TRANK1: variants seen among roughly 807,000 people sequenced by gnomAD.
TRANK1 encodes the protein TPR and ankyrin repeat-containing protein 1.
A neutral mutation model predicts 266.0 loss-of-function variants in TRANK1; 198 were observed. The ratio of observed to expected loss-of-function variants is 0.74; its 90% CI spans 0.66 to 0.84. TRANK1 has a LOEUF of 0.84. Among genes scored for constraint, TRANK1 ranks in the 40% least tolerant of loss-of-function variants. TRANK1 has a pLI of 0.00. For synonymous variants in TRANK1, 1,396 were observed against 1,384.1 expected (o/e 1.01, Z -0.19); for missense variants, 3,326 against 3,634.6 (o/e 0.92, Z 2.18).
intron 10 of TRANK1, among the ~76,000 whole-genome samples, chr3:36,861,563 G>T (rs1019255904): frequency 1.3e-5 from 2 of 152,102 alleles, no homozygotes. Context: ...GAGCCATAAG[G>T]TAACCATGAG....
intron 10 of TRANK1, among the ~76,000 whole-genome samples, chr3:36,863,681 G>A (rs1206958918): frequency 1.3e-5 from 2 of 152,168 alleles, no homozygotes; most frequent in African/African-American, 4.8e-5. Context: ...GCTTAAAGAG[G>A]TTAATTAATT....
intron 13 of TRANK1, 75 bp downstream of exon 13, chr3:36,855,098 A>G: frequency 1.5e-6 from 2 of 1,314,860 alleles, no homozygotes; most frequent in South Asian, 1.4e-5. Context: ...AACAAGAGCT[A>G]GTCTGCAGCT....
intron 1 of TRANK1, among the ~76,000 whole-genome samples, chr3:36,940,284 T>C (rs1248418091): frequency 6.6e-6 from 1 of 150,412 alleles, no homozygotes; most frequent in Non-Finnish European, 1.5e-5. Context: ...GATCACGAGG[T>C]CAGGAGATCG....
At chr3:36,880,663 C>T (rs146639567) in intron 8 of TRANK1, 245 of 179,912 alleles carry the variant, frequency 1.4e-3, no homozygotes, top group African/African-American at 5.2e-3. Flanking sequence ...ACAAATTCTC[C>T]AACTTTTTTA....
At chr3:36,927,173 C>T (rs1232455282) in intron 1 of TRANK1, among the ~76,000 whole-genome samples, 1 of 152,168 alleles carries the variant, frequency 6.6e-6, no homozygotes, top group Non-Finnish European at 1.5e-5. Flanking sequence ...GACTGAGGCC[C>T]ATGTAACCTC....
chr3:36,855,076 C>T, intron 13 of TRANK1, 97 bp downstream of exon 13: 2 of 1,102,136 alleles, frequency 1.8e-6, no homozygotes, highest in Non-Finnish European at 1.3e-6. Flanking sequence ...CTTACTTCAG[C>T]TGTAAAAACC....
intron 17 of TRANK1, 60 bp from the exon 18 acceptor site, chr3:36,842,770 G>T: frequency 6.8e-7 from 1 of 1,463,204 alleles, no homozygotes; most frequent in East Asian, 2.4e-5. Context: ...TAAAACTGTT[G>T]TTATGGGCTG....
At chr3:36,893,119 C>T (rs2079733110) in intron 5 of TRANK1, 135 bp from the exon 6 acceptor site, 1 of 348,818 alleles carries the variant, frequency 2.9e-6, no homozygotes, top group South Asian at 6.2e-5. Context: ...TTTTAAAGTG[C>T]TTGCCAAGTT....
chr3:36,906,779 C>G (rs1019917179), intron 2 of TRANK1, among the ~76,000 whole-genome samples: 6 of 152,338 alleles, frequency 3.9e-5, no homozygotes, highest in African/African-American at 1.4e-4. Context: ...CCACAAAGAA[C>G]CAGCCCTGCT....
At position 36,827,936 on chromosome 3, in the gene TRANK1, G is replaced by T; in HGVS notation, c.*339C>A. 4.2e-6 allele frequency: 1 copy of T among 235,708 alleles called. No individual in the cohort carries two copies. The highest frequency in any genetic ancestry group is 6.4e-5 in the South Asian group (1 of 15,536). 14.6% of individuals were successfully genotyped at this position (235,708 alleles called of 1,614,324 possible). A position where few individuals can be genotyped will look rare whatever the true frequency, so the allele number is the denominator to read the frequency against. Reference sequence around the variant, plus strand: ...AGTCTGTCCTAACACCTAGTCCTCTGCTACCAACTCATGTCATGATGGGGA... The same window carrying T: ...AGTCTGTCCTAACACCTAGTCCTCTTCTACCAACTCATGTCATGATGGGGA... On this transcript the variant is annotated 3_prime_UTR_variant, in exon 24 of 24. Transcript: ENST00000645898.
At chr3:36,943,012 C>G (rs1373636237) in intron 1 of TRANK1, among the ~76,000 whole-genome samples, 2 of 152,198 alleles carry the variant, frequency 1.3e-5, no homozygotes, top group Non-Finnish European at 2.9e-5. Context: ...GAAACACCGT[C>G]TCCACTAAAA....
At chr3:36,886,440 C>T (rs566249558) in intron 8 of TRANK1, among the ~76,000 whole-genome samples, 1 of 152,134 alleles carries the variant, frequency 6.6e-6, no homozygotes, top group Non-Finnish European at 1.5e-5. Context: ...ATCCTCCCAA[C>T]TTTCAGAAAG....
At chr3:36,899,909 A>C (rs569856151) in intron 3 of TRANK1, among the ~76,000 whole-genome samples, 4 of 152,092 alleles carry the variant, frequency 2.6e-5, no homozygotes, top group Admixed American at 6.5e-5. Context: ...CCCAGGCTGG[A>C]GTGTAGTGGC....
intron 13 of TRANK1, among the ~76,000 whole-genome samples, chr3:36,852,597 A>G (rs1210476362): frequency 1.3e-5 from 2 of 152,002 alleles, no homozygotes; most frequent in African/African-American, 4.8e-5. Flanking sequence ...ACCTATATTC[A>G]TATTAGAGAA....
chr3:36,831,155 A>G lies in TRANK1; in HGVS notation c.8428T>C (p.Cys2810Arg). Reference sequence around the variant, plus strand: ...TAAGACTCGCTGTTCCTCTCCTGACACTCCTCCCTTTCCAGCTCAGCCCTG... The same window carrying G: ...TAAGACTCGCTGTTCCTCTCCTGACGCTCCTCCCTTTCCAGCTCAGCCCTG... ...LSRAELEREE[C>R]QERNSESYEQ... The change falls in exon 22 of 24, where the codon TGT becomes CGT. Residue 2810 changes from cysteine (C) to arginine (R), a missense_variant. Physicochemically the swap from Cys to Arg is radical, Grantham distance 180. Transcript: ENST00000645898. This position sits in a 1 kb window ranked among gnomAD's most constrained non-coding sequence, Gnocchi z 5.0. 1 of 1,612,094 alleles carries G rather than the reference A, an allele frequency of 6.2e-7. No individual in the cohort carries two copies. Among genetic ancestry groups the G allele is most frequent in the African/African-American group, 1.3e-5 (1 of 74,288 alleles).
Position 36,838,460 on chromosome 3 carries a change from T to C in TRANK1, c.5429A>G (p.Glu1810Gly). The C allele has an allele frequency of 6.2e-7, 1 of 1,614,052 alleles. No homozygotes were observed. Among genetic ancestry groups the C allele is most frequent in the Non-Finnish European group, 8.5e-7 (1 of 1,179,908 alleles). Reference sequence around the variant, plus strand: ...AAGGGACAGTGTTGGCTCTTTGCACTCCAAATAGGTCTTAGCCAATTCCAA... The same window carrying C: ...AAGGGACAGTGTTGGCTCTTTGCACCCCAAATAGGTCTTAGCCAATTCCAA... The part of the protein sequence containing the change: ...EYLELAKTYL[E>G]CKEPTLSLKC... Residue 1810 changes from glutamate (E) to glycine (G), a missense_variant, in exon 20 of 24, where the codon GAG becomes GGG. Transcript: ENST00000645898.
At position 36,922,820 on chromosome 3, in the gene TRANK1, T is replaced by A. The variant is rs114870099; in HGVS notation, c.24-14366A>T. ...ATTAAAGGTTTAATTCCTCAATTCCTCAGTCACTCTAGCCACATTTCAAGT... is the reference window on the plus strand; with the variant it reads ...ATTAAAGGTTTAATTCCTCAATTCCACAGTCACTCTAGCCACATTTCAAGT... On this transcript the variant is annotated intron_variant, in intron 1 of 23. Transcript: ENST00000645898. Among the ~76,000 whole-genome samples the A allele has an allele frequency of 9.1e-3, 1,383 of 152,088 alleles. 24 individuals are homozygous for A. Among genetic ancestry groups the A allele is most frequent in the African/African-American group, 0.032 (1,322 of 41,454 alleles).
chr3:36,873,942 T>A (rs1263475151), intron 9 of TRANK1, among the ~76,000 whole-genome samples, 184 bp downstream of exon 9: 3 of 147,322 alleles, frequency 2.0e-5, no homozygotes, highest in African/African-American at 2.5e-5. Flanking sequence ...ATAAGAGCTA[T>A]CTCATTCTAC....
Position 36,832,061 on chromosome 3 carries a change from G to A in TRANK1, c.7522C>T (p.Gln2508Ter). Residue 2508 changes from glutamine (Q) to a stop codon, truncating the protein, a stop_gained, in exon 22 of 24, where the codon CAG becomes TAG. Coordinates refer to ENST00000645898, the MANE Select transcript of TRANK1 (RefSeq NM_001329998.2). LOFTEE classifies it high-confidence loss of function. ...KELGDVFSIIQEYKPKDVTRA... is the reference protein window; with the variant it reads ...KELGDVFSII ...GTCACGTCCTTGGGTTTGTATTCCT[G>A]AATGATGGAGAACACATCCCCAAGC... 6.2e-7 allele frequency: 1 copy of A among 1,614,014 alleles called. No homozygotes were observed. Among genetic ancestry groups the A allele is most frequent in the Non-Finnish European group, 8.5e-7 (1 of 1,179,898 alleles).
Sources: gnomAD v4.1 joint callset for allele counts (sites outside exome capture counted in the v4.1 genomes callset) on GRCh38, gnomAD v4.1.1 for gene constraint, Gnocchi (gnomAD v3.1) non-coding constraint, MANE v1.5 for transcripts, NCBI Gene and HGNC (gene_info 2026-07-23, HGNC 2026-07-21) for gene names.